The following COL2A1 variants were observed in gnomAD, a reference collection of about 807,000 sequenced individuals.
COL2A1 encodes collagen alpha-1(II) chain.
In COL2A1, 28 loss-of-function variants were observed where a neutral mutation model predicts 204.5. The ratio of observed to expected loss-of-function variants is 0.14; its 90% CI spans 0.10 to 0.19. COL2A1 has a LOEUF of 0.19. Ranked by LOEUF, COL2A1 falls within the 10% of genes least tolerant of loss-of-function variation. The pLI, the probability that COL2A1 is intolerant of heterozygous loss-of-function variation, is 1.00. For missense variants in COL2A1, 1,388 were observed against 2,027.5 expected (o/e 0.68, Z 6.06); for synonymous variants, 708 against 718.7 (o/e 0.99, Z 0.24).
intron 1 of COL2A1, chr12:48,001,243 G>A (rs887819986): frequency 9.5e-6 from 1 of 105,374 alleles, no homozygotes; most frequent in African/African-American, 3.5e-5. Flanking sequence ...ATAGGAAAGA[G>A]CCACAAACCC....
chr12:47,981,934 C>T lies in COL2A1; in HGVS notation c.2356-105G>A, dbSNP rs575520538. The T allele has an allele frequency of 4.8e-5, 64 of 1,322,636 alleles. No homozygotes were observed. The East Asian group carries it at 5.9e-4, about 12-fold the overall frequency. The allele number at this position is 1,322,636 out of a possible 1,614,324, so 81.9% of individuals were successfully genotyped here. ...GTGCGTGCTCCCACCGCCTCCAGAG[C>T]TCCCACTTACCCTCTGGCCCCATTT... On this transcript the variant is annotated intron_variant, in intron 35 of 53. Transcript: ENST00000380518.
rs1939468961 is a variant in COL2A1, at chr12:47,987,187, G to A, written c.1267-11C>T. 3 of 1,613,948 alleles carry A rather than the reference G, an allele frequency of 1.9e-6. No homozygotes were observed. The highest frequency in any genetic ancestry group is 1.3e-5 in the African/African-American group (1 of 75,014). Reference sequence around the variant, plus strand: ...AATGCCAGGAGCACCCTGTGGGCATGAGAAGAAGGGAGGGGTGTCAGGAGA... The same window carrying A: ...AATGCCAGGAGCACCCTGTGGGCATAAGAAGAAGGGAGGGGTGTCAGGAGA... On this transcript the variant is annotated splice_polypyrimidine_tract_variant and intron_variant, in intron 20 of 53. Transcript: ENST00000380518. This position sits in a 1 kb window ranked among gnomAD's most constrained non-coding sequence, Gnocchi z 4.1.
At position 47,994,006 on chromosome 12, in the gene COL2A1, G is replaced by T; in HGVS notation, c.858C>A (p.Val286=). ...GFPGTPGLPG[V]KGHRGYPGLD... ...CCGTGATACTTACTCTGTGACCTTT[G>T]ACACCAGGAAGGCCTGGGGTTCCTG... The change falls in exon 13 of 54, where the codon GTC becomes GTA. Residue 286 remains valine, a synonymous_variant. Transcript: ENST00000380518. 1 of 1,614,084 alleles carries T rather than the reference G, an allele frequency of 6.2e-7. No individual in the cohort carries two copies. Among genetic ancestry groups the T allele is most frequent in the South Asian group, 1.1e-5 (1 of 91,070 alleles).
Position 47,999,913 on chromosome 12 carries a change from T to C in COL2A1, c.292+6A>G. 2.5e-6 allele frequency: 4 copies of C among 1,612,240 alleles called. No individual in the cohort carries two copies. The highest frequency in any genetic ancestry group is 2.5e-6 in the Non-Finnish European group (3 of 1,178,362). On this transcript the variant is annotated splice_donor_region_variant and intron_variant, in intron 2 of 53. Coordinates refer to ENST00000380518, the MANE Select transcript of COL2A1 (RefSeq NM_001844.5). ...TATGTTGAACAGGAAATAAATAAAT[T>C]ACAACCACTGGCAGTGGCGAGGTCA...
intron 31 of COL2A1, 46 bp downstream of exon 31, chr12:47,983,339 C>A (rs1316707952): frequency 2.5e-6 from 4 of 1,602,978 alleles, no homozygotes; most frequent in Non-Finnish European, 3.4e-6. Flanking sequence ...TCAGAAAAGA[C>A]CTTCCCATCT....
At chr12:47,974,972 A>T (rs542737134) in intron 51 of COL2A1, 110 bp from the exon 52 acceptor site, 1 of 1,170,408 alleles carries the variant, frequency 8.5e-7, no homozygotes, top group East Asian at 2.3e-5. Flanking sequence ...GGGACAAGGG[A>T]TGAGGTTCAC....
At chr12:47,988,428 G>A (rs1939541129) in intron 18 of COL2A1, 1 of 154,944 alleles carries the variant, frequency 6.5e-6, no homozygotes, top group Non-Finnish European at 1.4e-5. Flanking sequence ...CTGCTGACCT[G>A]GAGAGAGGGC....
At chr12:47,997,776 G>A in intron 6 of COL2A1, 69 bp from the exon 7 acceptor site, 1 of 1,610,016 alleles carries the variant, frequency 6.2e-7, no homozygotes, top group South Asian at 1.1e-5. Context: ...TCCCTTGGCT[G>A]CTCTTTAAGA....
Position 47,980,794 on chromosome 12 carries a change from G to C in COL2A1, c.2517+121C>G. On this transcript the variant is annotated intron_variant, in intron 38 of 53. Transcript: ENST00000380518. This position sits in a 1 kb window ranked among gnomAD's most constrained non-coding sequence, Gnocchi z 4.5. ...GACATGATGGTTCTATTAGTATGGA[G>C]GCGGGAAAGGAGAGGAGAGGAGCAT... 3.6e-6 allele frequency: 5 copies of C among 1,397,276 alleles called. No homozygotes were observed. Among genetic ancestry groups the C allele is most frequent in the Non-Finnish European group, 5.0e-6 (5 of 1,006,490 alleles). 86.6% of individuals were successfully genotyped at this position (1,397,276 alleles called of 1,614,324 possible). A position where few individuals can be genotyped will look rare whatever the true frequency, so the allele number is the denominator to read the frequency against.
chr12:47,975,201 C>A, intron 51 of COL2A1, 116 bp downstream of exon 51: 1 of 1,331,384 alleles, frequency 7.5e-7, no homozygotes, highest in Non-Finnish European at 1.0e-6. Flanking sequence ...AACCCTCTGG[C>A]GGAAACTTCC....
chr12:47,973,622 G>C (rs1938545241), intron 53 of COL2A1, 69 bp from the exon 54 acceptor site: 2 of 1,582,036 alleles, frequency 1.3e-6, no homozygotes, highest in African/African-American at 2.7e-5. Context: ...CTGCCCAGAA[G>C]CCCAAAACTG....
intron 8 of COL2A1, 149 bp from the exon 9 acceptor site, chr12:47,996,068 C>T: frequency 1.5e-6 from 1 of 674,602 alleles, no homozygotes; most frequent in Non-Finnish European, 2.7e-6. Flanking sequence ...CTCTCATTTC[C>T]CACTCCCCAC....
Position 47,999,820 on chromosome 12 carries a change from C to G in COL2A1, c.292+99G>C, listed in dbSNP as rs1455369466. On this transcript the variant is annotated intron_variant, in intron 2 of 53. Transcript: ENST00000380518. ...GCTACCAGGTCCCATGGATAACTAGCCCCTCTGCTTTGCAGAGACGACCAG... is the reference window on the plus strand; with the variant it reads ...GCTACCAGGTCCCATGGATAACTAGGCCCTCTGCTTTGCAGAGACGACCAG... The G allele has an allele frequency of 3.8e-6, 4 of 1,042,470 alleles. No homozygotes were observed. The Admixed American group carries it at 7.6e-5, about 20-fold the overall frequency. The allele number at this position is 1,042,470 out of a possible 1,614,324, so 64.6% of individuals were successfully genotyped here.
In COL2A1 at chr12:47,993,458, C is replaced by G. The variant is rs1342179173; in HGVS notation, c.969G>C (p.Met323Ile). 6.2e-7 allele frequency: 1 copy of G among 1,612,100 alleles called. No individual in the cohort carries two copies. Among genetic ancestry groups the G allele is most frequent in the Non-Finnish European group, 8.5e-7 (1 of 1,178,144 alleles). The part of the protein sequence containing the change: ...SPGENGSPGP[M>I]GPRGLPGERG... ...CTTCCTGGAGGGTGTCCATACTTAC[C>G]ATTGGGCCCGGAGATCCGTTCTCAC... The change falls in exon 15 of 54, where the codon ATG becomes ATC. Residue 323 changes from methionine (M) to isoleucine (I), a missense_variant and splice_region_variant. Transcript: ENST00000380518.
At chr12:47,981,477 C>T in intron 36 of COL2A1, 81 bp from the exon 37 acceptor site, 3 of 1,315,546 alleles carry the variant, frequency 2.3e-6, no homozygotes, top group Non-Finnish European at 3.2e-6. Context: ...ATTTGGGGGG[C>T]CTTGCTCGTG....
At chr12:47,977,072 G>T in intron 47 of COL2A1, 30 bp downstream of exon 47, 1 of 1,594,862 alleles carries the variant, frequency 6.3e-7, no homozygotes. Context: ...TCCCTGGTGG[G>T]GACTCAGTGC....
chr12:48,000,226 C>A, intron 1 of COL2A1, 101 bp from the exon 2 acceptor site: 1 of 830,822 alleles, frequency 1.2e-6, no homozygotes, highest in South Asian at 1.4e-5. Flanking sequence ...TGACAGAATT[C>A]AAATGCTGAA....
chr12:47,980,657 G>A lies in COL2A1; in HGVS notation c.2522C>T (p.Ala841Val), dbSNP rs762619684. The change falls in exon 39 of 54, where the codon GCT becomes GTT. Residue 841 changes from alanine (A) to valine (V), a missense_variant. This residue lies in a region of COL2A1 where 884 missense variants were observed against 1,415.8 expected (regional missense o/e 0.62). Transcript: ENST00000380518. The surrounding 1 kb of genome is among the most constrained non-coding windows in gnomAD (Gnocchi z 4.5). ...ACCCTTGGCCCCAGGCTGGCCATCA[G>A]CACCCTATAATGGGAAGGAGGAAGC... ...GPAGFAGPPG[A>V]DGQPGAKGEQ... The A allele has an allele frequency of 5.6e-6, 9 of 1,610,510 alleles. No homozygotes were observed. Among genetic ancestry groups the A allele is most frequent in the Non-Finnish European group, 6.8e-6 (8 of 1,178,568 alleles).
At chr12:47,983,029 G>C in intron 32 of COL2A1, 64 bp downstream of exon 32, 1 of 1,607,074 alleles carries the variant, frequency 6.2e-7, no homozygotes, top group South Asian at 1.1e-5. Flanking sequence ...GGGGAAAGGA[G>C]CAGGAGCATA....
Sources: gnomAD v4.1 joint callset for allele counts on GRCh38, gnomAD v4.1.1 for gene constraint, gnomAD v4.1.1 regional missense constraint, Gnocchi (gnomAD v3.1) non-coding constraint, MANE v1.5 for transcripts, NCBI Gene and HGNC (gene_info 2026-07-23, HGNC 2026-07-21) for gene names.